The following USP53 variants were observed in gnomAD, a reference collection of about 807,000 sequenced individuals.
USP53 encodes ubiquitin carboxyl-terminal hydrolase 53.
A neutral mutation model predicts 94.9 loss-of-function variants in USP53; 71 were observed. The observed-to-expected ratio is 0.75, with a 90% confidence interval of 0.62 to 0.91. The LOEUF is 0.91. Among genes scored for constraint, USP53 ranks in the 40% least tolerant of loss-of-function variants. The probability of loss-of-function intolerance (pLI) is 0.00; values close to 1 mark genes in which losing one functional copy is unlikely to be tolerated. For synonymous variants in USP53, 375 were observed against 422.7 expected, an observed-to-expected ratio of 0.89 and a Z score of 1.39; for missense variants, 1,173 against 1,281.0, an observed-to-expected ratio of 0.92 and a Z score of 1.29.
intron 3 of USP53, among the ~76,000 whole-genome samples, chr4:119,222,784 T>G: frequency 6.6e-6 from 1 of 152,152 alleles, no homozygotes; most frequent in Admixed American, 6.5e-5. Context: ...AGACATCTCT[T>G]TGATTTTCTT....
intron 3 of USP53, chr4:119,218,204 TG>T (rs1744056164): frequency 6.6e-6 from 1 of 152,188 alleles, no homozygotes; most frequent in East Asian, 1.9e-4. Context: ...AAGATAAAGT[TG>T]CCATTGGCTG....
chr4:119,279,576 G>C (rs1193302934), intron 17 of USP53, among the ~76,000 whole-genome samples: 4 of 151,252 alleles, frequency 2.6e-5, no homozygotes, highest in Non-Finnish European at 5.9e-5. Flanking sequence ...CCTGCCCCCA[G>C]AGGTGGAGCC....
chr4:119,267,948 A>G (rs950390937), intron 13 of USP53, among the ~76,000 whole-genome samples: 2 of 151,892 alleles, frequency 1.3e-5, no homozygotes, highest in Admixed American at 6.6e-5. Flanking sequence ...CGGGTGGATC[A>G]TGAGGTCAGG....
intron 17 of USP53, among the ~76,000 whole-genome samples, chr4:119,280,318 A>G (rs544198876): frequency 6.6e-6 from 1 of 151,626 alleles, no homozygotes; most frequent in East Asian, 1.9e-4. Context: ...TAAAACTGTG[A>G]TTTGAGACCC....
chr4:119,227,771 A>G (rs937791752), intron 3 of USP53, among the ~76,000 whole-genome samples: 2 of 152,242 alleles, frequency 1.3e-5, no homozygotes, highest in African/African-American at 4.8e-5. Context: ...GTATCCACAG[A>G]AAGACTTGTA....
At chr4:119,262,164 T>G (rs1000397030) in intron 12 of USP53, among the ~76,000 whole-genome samples, 1 of 152,210 alleles carries the variant, frequency 6.6e-6, no homozygotes, top group African/African-American at 2.4e-5. Context: ...CCTTTTTGCC[T>G]GACGCATACT....
chr4:119,213,660 A>ATATATATATATATG lies in USP53; in HGVS notation c.-941-409_-941-408insATATATATATATGT. Among the ~76,000 whole-genome samples the ATATATATATATATG allele has an allele frequency of 3.6e-3, 428 of 117,746 alleles. 1 individual carries two copies. The highest frequency in any genetic ancestry group is 5.6e-3 in the Non-Finnish European group (329 of 58,580). 77.2% of individuals were successfully genotyped at this position (117,746 alleles called of 152,430 possible). On this transcript the variant is annotated intron_variant, in intron 1 of 18. Transcript: ENST00000692078. ...GAAATAGATATATATATATATATAT[A>ATATATATATATATG]TGTGTGTGTGTGTATGTATGTATGT...
intron 9 of USP53, among the ~76,000 whole-genome samples, chr4:119,258,979 A>G (rs1561274235): frequency 6.6e-6 from 1 of 152,120 alleles, no homozygotes; most frequent in African/African-American, 2.4e-5. Context: ...CCTGGGCTCT[A>G]ATAAAATGAT....
At chr4:119,257,852 G>T (rs909999272) in intron 9 of USP53, among the ~76,000 whole-genome samples, 3 of 152,098 alleles carry the variant, frequency 2.0e-5, no homozygotes, top group African/African-American at 7.2e-5. Context: ...GGTGTTCAAA[G>T]ATAGACAATA....
rs775463286 is a variant in USP53, at chr4:119,268,282, G to C, written c.1150G>C (p.Val384Leu). Residue 384 changes from valine (V) to leucine (L), a missense_variant, in exon 14 of 19, where the codon GTA becomes CTA. Val to Leu is a conservative substitution (Grantham distance 32, BLOSUM62 1). Transcript: ENST00000692078. ...VAENMGCEKPVIHKSDNLKEN... is the reference protein window; with the variant it reads ...VAENMGCEKPLIHKSDNLKEN... ...CTCTTTTTAAGGATGTGAAAAGCCT[G>C]TAATTCATAAGTCAGATAATTTAAA... 1 of 1,611,760 alleles carries C rather than the reference G, an allele frequency of 6.2e-7. No individual in the cohort carries two copies. The highest frequency in any genetic ancestry group is 1.3e-5 in the African/African-American group (1 of 74,700).
At chr4:119,224,892 A>G (rs139619665) in intron 3 of USP53, among the ~76,000 whole-genome samples, 2 of 152,316 alleles carry the variant, frequency 1.3e-5, no homozygotes, top group African/African-American at 4.8e-5. Flanking sequence ...TTTTATCAGA[A>G]AACTGGAAAA....
chr4:119,272,177 T>C (rs1344947841), intron 16 of USP53, 143 bp downstream of exon 16: 3 of 768,694 alleles, frequency 3.9e-6, no homozygotes, highest in Non-Finnish European at 5.8e-6. Context: ...GTTTGTTTCT[T>C]TTAAACACAA....
Position 119,292,899 on chromosome 4 carries a change from T to A in USP53, c.2910T>A (p.Ser970Arg). ...KHSLSTASEP[S>R]LEVSTHMNDE... is the part of the protein sequence containing the mutation. ...GTTTAAGTACAGCTTCAGAACCAAG[T>A]TTAGAAGTGAGTACACATATGAATG... is the stretch of plus-strand genomic sequence containing the variant. The change falls in exon 19 of 19, where the codon AGT becomes AGA. Residue 970 changes from serine to arginine, a missense_variant. Transcript: ENST00000692078. The A allele has an allele frequency of 1.2e-6, 2 of 1,614,010 alleles. No homozygotes were observed. Among genetic ancestry groups the A allele is most frequent in the Non-Finnish European group, 1.7e-6 (2 of 1,179,948 alleles).
At chr4:119,279,978 C>A (rs761358203) in intron 17 of USP53, among the ~76,000 whole-genome samples, 11 of 152,272 alleles carry the variant, frequency 7.2e-5, no homozygotes, top group Middle Eastern at 6.8e-3. Flanking sequence ...GTGCGCACAC[C>A]CACTGGCCTG....
chr4:119,293,749 T>C lies in USP53; in HGVS notation c.*538T>C, dbSNP rs1755023705. The C allele has an allele frequency of 6.6e-6, 1 of 152,236 alleles. No homozygotes were observed. The allele number at this position is 152,236 out of a possible 1,614,324, so 9.4% of individuals were successfully genotyped here. On this transcript the variant is annotated 3_prime_UTR_variant, in exon 19 of 19. Coordinates refer to ENST00000692078, the MANE Select transcript of USP53 (RefSeq NM_001371395.1). The stretch of plus-strand genomic sequence containing the variant: ...TGCTTTATGAAGAAGCACTTTCTAA[T>C]GGGTAACCAGAAAAGGGCTTCACCC...
At chr4:119,256,125 G>A in intron 7 of USP53, 121 bp from the exon 8 acceptor site, 1 of 664,012 alleles carries the variant, frequency 1.5e-6, no homozygotes, top group South Asian at 2.2e-5. Context: ...AAGCTGAAAA[G>A]CTAACAATAT....
At chr4:119,215,182 G>A (rs1307427608) in intron 2 of USP53, among the ~76,000 whole-genome samples, 4 of 152,120 alleles carry the variant, frequency 2.6e-5, no homozygotes, top group Non-Finnish European at 5.9e-5. Context: ...TTTAAGGAGG[G>A]AAGTATGCTG....
Position 119,267,332 on chromosome 4 carries a change from T to A in USP53, c.985T>A (p.Trp329Arg). ...GTTTTTTTAAAAGATTGGAACTAGA[T>A]GGAAAGATGTTGTCTCCAAATGCAT... ...DANVKEIGTRWKDVVSKCIRC... is the reference protein window; with the variant it reads ...DANVKEIGTRRKDVVSKCIRC... The change falls in exon 13 of 19, where the codon TGG becomes AGG. Residue 329 changes from tryptophan (W) to arginine (R), a missense_variant. Coordinates refer to ENST00000692078, the MANE Select transcript of USP53 (RefSeq NM_001371395.1). 9 of 1,613,486 alleles carry A rather than the reference T, an allele frequency of 5.6e-6. No homozygotes were observed. The highest frequency in any genetic ancestry group is 6.8e-6 in the Non-Finnish European group (8 of 1,179,866).
At chr4:119,275,728 G>C (rs914998539) in intron 17 of USP53, among the ~76,000 whole-genome samples, 6 of 152,118 alleles carry the variant, frequency 3.9e-5, no homozygotes, top group Non-Finnish European at 4.4e-5. Context: ...TCCTACCCAT[G>C]AGCATGGAAT....
Sources: gnomAD v4.1 joint callset for allele counts (sites outside exome capture counted in the v4.1 genomes callset) on GRCh38, gnomAD v4.1.1 for gene constraint, MANE v1.5 for transcripts, NCBI Gene and HGNC (gene_info 2026-07-23, HGNC 2026-07-21) for gene names.